ME1: variants seen among roughly 807,000 people sequenced by gnomAD.
ME1 encodes the protein malic enzyme 1.
Under a neutral mutation model 66.4 loss-of-function variants are expected in ME1, and 74 were observed. That is an observed-to-expected ratio of 1.11 (90% CI 0.92 to 1.35). ME1 has a LOEUF of 1.35. Among genes scored for constraint, ME1 ranks in the 40% most tolerant of loss-of-function variants. The pLI is 0.00. For missense variants in ME1, 750 were observed against 694.1 expected (o/e 1.08, Z -0.90); for synonymous variants, 251 against 235.6 (o/e 1.07, Z -0.60).
intron 6 of ME1, among the ~76,000 whole-genome samples, chr6:83,293,019 G>C (rs1035067273): frequency 4.6e-5 from 7 of 152,156 alleles, no homozygotes; most frequent in Admixed American, 2.6e-4. Flanking sequence ...ATTTGGGCAG[G>C]AGCATACCAC....
intron 6 of ME1, among the ~76,000 whole-genome samples, chr6:83,305,252 T>C (rs1312740446): frequency 2.6e-5 from 4 of 152,126 alleles, no homozygotes; most frequent in East Asian, 3.8e-4. Flanking sequence ...ATGAACAAAG[T>C]AGATCCCTGT....
At chr6:83,270,443 A>T (rs540696698) in intron 6 of ME1, among the ~76,000 whole-genome samples, 25 of 152,220 alleles carry the variant, frequency 1.6e-4, no homozygotes, top group African/African-American at 5.8e-4. Context: ...GACAAATCCT[A>T]TTTAATTATT....
At chr6:83,422,238 G>A (rs955954433) in intron 1 of ME1, among the ~76,000 whole-genome samples, 3 of 152,096 alleles carry the variant, frequency 2.0e-5, no homozygotes, top group East Asian at 1.9e-4. Flanking sequence ...TCCACTGGGC[G>A]GTACACATAA....
chr6:83,224,930 G>A (rs185761889), intron 11 of ME1, among the ~76,000 whole-genome samples: 7 of 151,014 alleles, frequency 4.6e-5, no homozygotes, highest in Admixed American at 1.3e-4. Flanking sequence ...GGCTGGGCGC[G>A]GTGGCTCACG....
At chr6:83,318,953 C>CCATGGAATACTG (rs1768095553) in intron 5 of ME1, among the ~76,000 whole-genome samples, 1 of 133,238 alleles carries the variant, frequency 7.5e-6, no homozygotes, top group Non-Finnish European at 1.6e-5. Flanking sequence ...CACATATACA[C>CCATGGAATACTG]CATGGAATAC....
At chr6:83,332,415 A>G (rs1000036907) in intron 5 of ME1, among the ~76,000 whole-genome samples, 8 of 152,228 alleles carry the variant, frequency 5.3e-5, no homozygotes, top group African/African-American at 1.9e-4. Context: ...GTATCCACCC[A>G]AAGGAAAAGA....
chr6:83,406,041 G>A lies in ME1; in HGVS notation c.212+1727C>T, dbSNP rs59774754. 6.0e-3 allele frequency among the ~76,000 whole-genome samples: 910 copies of A among 152,216 alleles called. 8 individuals are homozygous for A. The highest frequency in any genetic ancestry group is 0.02 in the African/African-American group (848 of 41,544). On this transcript the variant is annotated intron_variant, in intron 2 of 13. Coordinates refer to ENST00000369705, the MANE Select transcript of ME1 (RefSeq NM_002395.6). The stretch of plus-strand genomic sequence containing the variant: ...CGGCCAAGAGTTTTTAACATGAAGC[G>A]ATGTTTAATTTTGTCAAAGGCCTTT...
chr6:83,321,748 C>G (rs187643710), intron 5 of ME1, among the ~76,000 whole-genome samples: 31 of 152,294 alleles, frequency 2.0e-4, no homozygotes, highest in African/African-American at 7.5e-4. Context: ...AACTTTCCAG[C>G]CTGACAGCTC....
At chr6:83,255,762 G>A (rs1766758160) in intron 6 of ME1, among the ~76,000 whole-genome samples, 1 of 151,836 alleles carries the variant, frequency 6.6e-6, no homozygotes, top group Non-Finnish European at 1.5e-5. Context: ...TTCTACTACT[G>A]CTGATGACAA....
chr6:83,414,016 TG>T (rs2128552709), intron 1 of ME1, among the ~76,000 whole-genome samples: 1 of 145,728 alleles, frequency 6.9e-6, no homozygotes, highest in South Asian at 2.2e-4. Flanking sequence ...GAGGCTGAGG[TG>T]GGAAGATCAT....
At chr6:83,315,794 G>T (rs1768020128) in intron 5 of ME1, among the ~76,000 whole-genome samples, 2 of 152,102 alleles carry the variant, frequency 1.3e-5, no homozygotes, top group South Asian at 4.1e-4. Context: ...CTATTTGGGA[G>T]CCTGAAGCAG....
At chr6:83,296,841 A>T (rs1426891345) in intron 6 of ME1, among the ~76,000 whole-genome samples, 2 of 151,968 alleles carry the variant, frequency 1.3e-5, no homozygotes, top group Admixed American at 1.3e-4. Flanking sequence ...AAATCAATGT[A>T]CAAAAATCAC....
At chr6:83,393,089 T>G in intron 3 of ME1, 1 of 1,451,954 alleles carries the variant, frequency 6.9e-7, no homozygotes, top group East Asian at 2.3e-5. Context: ...GGAAGCTCAC[T>G]GGCATGGCCT....
At chr6:83,422,090 G>A (rs1342897393) in intron 1 of ME1, among the ~76,000 whole-genome samples, 1 of 152,172 alleles carries the variant, frequency 6.6e-6, no homozygotes, top group Non-Finnish European at 1.5e-5. Context: ...GGGAACTCAT[G>A]AGAGCAATCC....
At chr6:83,316,960 A>T (rs1193908906) in intron 5 of ME1, among the ~76,000 whole-genome samples, 2 of 148,678 alleles carry the variant, frequency 1.3e-5, no homozygotes, top group African/African-American at 2.5e-5. Context: ...AAATAAAAAT[A>T]AAAAAAAAAG....
At chr6:83,327,015 T>G (rs948085814) in intron 5 of ME1, among the ~76,000 whole-genome samples, 1 of 152,210 alleles carries the variant, frequency 6.6e-6, no homozygotes, top group African/African-American at 2.4e-5. Context: ...ATTGATACTT[T>G]TATAATTTCT....
chr6:83,351,244 A>T (rs1178662721), intron 4 of ME1, among the ~76,000 whole-genome samples: 3 of 152,166 alleles, frequency 2.0e-5, no homozygotes, highest in Non-Finnish European at 2.9e-5. Flanking sequence ...AAATTAAAAT[A>T]ATTTTAAAAA....
chr6:83,364,587 G>A (rs1291751982), intron 3 of ME1, among the ~76,000 whole-genome samples: 1 of 152,136 alleles, frequency 6.6e-6, no homozygotes, highest in Non-Finnish European at 1.5e-5. Context: ...TTAGATGTGA[G>A]TGTTCCATGT....
At chr6:83,227,585 C>A in intron 10 of ME1, 108 bp from the exon 11 acceptor site, 1 of 942,520 alleles carries the variant, frequency 1.1e-6, no homozygotes, top group South Asian at 2.6e-5. Flanking sequence ...CTAATAGACC[C>A]TAAACAAAAT....
Sources: gnomAD v4.1 joint callset for allele counts (sites outside exome capture counted in the v4.1 genomes callset) on GRCh38, gnomAD v4.1.1 for gene constraint, MANE v1.5 for transcripts, NCBI Gene and HGNC (gene_info 2026-07-23, HGNC 2026-07-21) for gene names.